GLIS3: variants seen among roughly 807,000 people sequenced by gnomAD.
The protein encoded by GLIS3 is GLIS family zinc finger 3, also known as zinc finger protein GLIS3.
In GLIS3, 53 loss-of-function variants were observed where a neutral mutation model predicts 78.6. That is an observed-to-expected ratio of 0.67 (90% CI 0.54 to 0.85). GLIS3 has a LOEUF of 0.85. Ranked by LOEUF, GLIS3 falls within the 40% of genes least tolerant of loss-of-function variation. The probability of loss-of-function intolerance (pLI) is 0.00; values close to 1 mark genes in which losing one functional copy is unlikely to be tolerated. For synonymous variants in GLIS3, 684 were observed against 509.9 expected (o/e 1.34, Z -4.60); for missense variants, 1,703 against 1,231.1 (o/e 1.38, Z -5.74).
At chr9:4,217,057 T>C (rs999072525) in intron 2 of GLIS3, among the ~76,000 whole-genome samples, 18 of 152,172 alleles carry the variant, frequency 1.2e-4, no homozygotes, top group African/African-American at 3.6e-4. Context: ...GTTCCAAAGT[T>C]AACTCCAGTT....
chr9:4,164,731 CA>C (rs1383852654), intron 2 of GLIS3, among the ~76,000 whole-genome samples: 4 of 152,004 alleles, frequency 2.6e-5, no homozygotes, highest in African/African-American at 9.7e-5. Context: ...TATTGGAAAG[CA>C]AAAGATATTG....
intron 2 of GLIS3, among the ~76,000 whole-genome samples, chr9:4,236,041 T>C (rs1054455087): frequency 6.6e-6 from 1 of 152,126 alleles, no homozygotes; most frequent in Non-Finnish European, 1.5e-5. Flanking sequence ...CAAACCTGTG[T>C]AGTCATTGTT....
chr9:4,257,765 G>A (rs891344832), intron 2 of GLIS3, among the ~76,000 whole-genome samples: 22 of 151,944 alleles, frequency 1.4e-4, no homozygotes, highest in African/African-American at 4.8e-4. Flanking sequence ...AGTAGAGATG[G>A]GGTTTCACTG....
At chr9:4,257,128 T>C (rs1825026671) in intron 2 of GLIS3, among the ~76,000 whole-genome samples, 1 of 152,230 alleles carries the variant, frequency 6.6e-6, no homozygotes, top group Non-Finnish European at 1.5e-5. Context: ...TCCATTTGTC[T>C]GTTGATGTGT....
chr9:4,399,090 G>A, the GLIS3 span, among the ~76,000 whole-genome samples: 1 of 152,146 alleles, frequency 6.6e-6, no homozygotes, highest in African/African-American at 2.4e-5. Flanking sequence ...ACTTCCTAGT[G>A]TTCTATACCA....
intron 6 of GLIS3, among the ~76,000 whole-genome samples, chr9:3,928,520 G>C (rs1294347095): frequency 6.6e-6 from 1 of 152,238 alleles, no homozygotes; most frequent in East Asian, 1.9e-4. Context: ...GTAAGCTTAT[G>C]TGATACTTAA....
Position 3,830,588 on chromosome 9 carries a change from C to G in GLIS3, c.2474-1096G>C, listed in dbSNP as rs181903745. 2.2e-3 allele frequency among the ~76,000 whole-genome samples: 336 copies of G among 152,248 alleles called. 2 individuals are homozygous for G. The highest frequency in any genetic ancestry group is 0.01 in the Middle Eastern group (3 of 294). ...TATAAGTGTCAGTTATTATTGATAT[C>G]ACTATTCTGGTTTTGATGGAAAAAA... On this transcript the variant is annotated intron_variant, in intron 9 of 10. Transcript: ENST00000381971.
In GLIS3 at chr9:4,137,820, G is replaced by T. The variant is rs1010733185; in HGVS notation, c.389-11879C>A. Among the ~76,000 whole-genome samples, 9 of 152,322 alleles carry T rather than the reference G, an allele frequency of 5.9e-5. No individual in the cohort carries two copies. The East Asian group carries it at 1.7e-3, about 29-fold the overall frequency. ...TAGAGACTCTTAGTATAGCAAGAGTGTTAAATAAAGTTCACCAACAATTAG... is the reference window on the plus strand; with the variant it reads ...TAGAGACTCTTAGTATAGCAAGAGTTTTAAATAAAGTTCACCAACAATTAG... On this transcript the variant is annotated intron_variant, in intron 2 of 10. Transcript: ENST00000381971.
At chr9:4,189,380 C>A (rs537019864) in intron 2 of GLIS3, among the ~76,000 whole-genome samples, 11 of 152,134 alleles carry the variant, frequency 7.2e-5, no homozygotes, top group African/African-American at 2.7e-4. Context: ...AATTTCTGTT[C>A]TTTTATATGT....
At chr9:3,900,356 T>C (rs994574494) in intron 6 of GLIS3, among the ~76,000 whole-genome samples, 3 of 152,108 alleles carry the variant, frequency 2.0e-5, no homozygotes, top group Non-Finnish European at 2.9e-5. Context: ...ACAATGTTCA[T>C]AGGAGTGAAT....
intron 1 of GLIS3, among the ~76,000 whole-genome samples, chr9:4,289,818 T>C (rs1828301493): frequency 6.6e-6 from 1 of 152,108 alleles, no homozygotes; most frequent in South Asian, 2.1e-4. Context: ...AGCATGAAAG[T>C]TAATAAATCT....
At chr9:4,192,809 A>T (rs199965248) in intron 2 of GLIS3, among the ~76,000 whole-genome samples, 2 of 15,382 alleles carry the variant, frequency 1.3e-4, no homozygotes, top group Admixed American at 1.1e-3. Context: ...TACAATATTT[A>T]AAAAAAAAAA....
the GLIS3 span, among the ~76,000 whole-genome samples, chr9:4,459,068 T>A: frequency 2.0e-5 from 3 of 152,022 alleles, no homozygotes; most frequent in African/African-American, 7.2e-5. Context: ...AGAAGAAACA[T>A]GATCTGATTT....
At chr9:4,261,458 G>A (rs972718275) in intron 2 of GLIS3, among the ~76,000 whole-genome samples, 1 of 152,144 alleles carries the variant, frequency 6.6e-6, no homozygotes, top group Admixed American at 6.5e-5. Flanking sequence ...TGGAGATTAG[G>A]AAGAAACAGA....
intron 2 of GLIS3, among the ~76,000 whole-genome samples, chr9:4,170,754 G>C (rs1358888121): frequency 1.3e-5 from 2 of 151,920 alleles, no homozygotes; most frequent in Admixed American, 6.6e-5. Flanking sequence ...GTATGTTCAG[G>C]GTGTGTGTTT....
intron 9 of GLIS3, among the ~76,000 whole-genome samples, chr9:3,855,264 C>T (rs1563779104): frequency 6.6e-6 from 1 of 152,216 alleles, no homozygotes; most frequent in Non-Finnish European, 1.5e-5. Context: ...AACACAAGAT[C>T]TGCACATTTA....
chr9:4,338,275 G>A (rs1427842304), intron 2 of GLIS3, among the ~76,000 whole-genome samples: 3 of 151,914 alleles, frequency 2.0e-5, no homozygotes, highest in East Asian at 1.9e-4. Flanking sequence ...ACAGCTTTCA[G>A]GTCTTTCTGT....
chr9:4,286,204 C>T lies in GLIS3; in HGVS notation c.222G>A (p.Val74=), dbSNP rs201969800. 4 of 1,614,220 alleles carry T rather than the reference C, an allele frequency of 2.5e-6. No homozygotes were observed. Among genetic ancestry groups the T allele is most frequent in the Admixed American group, 3.3e-5 (2 of 60,030 alleles). The change falls in exon 2 of 11, where the codon GTG becomes GTA. Residue 74 remains valine (V), a synonymous_variant. Coordinates refer to ENST00000381971, the MANE Select transcript of GLIS3 (RefSeq NM_001042413.2). The part of the protein sequence containing the change: ...SGGGMAPQNN[V]AESRIHLPAL... Reference sequence around the variant, plus strand: ...CAGGCAGATGGATGCGGCTCTCAGCCACGTTGTTCTGAGGAGCCATCCCTC... The same window carrying T: ...CAGGCAGATGGATGCGGCTCTCAGCTACGTTGTTCTGAGGAGCCATCCCTC...
intron 4 of GLIS3, among the ~76,000 whole-genome samples, chr9:4,111,358 G>A (rs191002308): frequency 1.3e-5 from 2 of 152,256 alleles, no homozygotes; most frequent in African/African-American, 4.8e-5. Context: ...GAATCACAGG[G>A]CAAAGAAACA....
Sources: gnomAD v4.1 joint callset for allele counts (sites outside exome capture counted in the v4.1 genomes callset) on GRCh38, gnomAD v4.1.1 for gene constraint, MANE v1.5 for transcripts, NCBI Gene and HGNC (gene_info 2026-07-23, HGNC 2026-07-21) for gene names.